The following LMO7 variants were observed in gnomAD, a reference collection of about 807,000 sequenced individuals.
LMO7 encodes LIM domain 7.
In LMO7, 120 loss-of-function variants were observed where a neutral mutation model predicts 206.5. The ratio of observed to expected loss-of-function variants is 0.58; its 90% CI spans 0.50 to 0.68. The LOEUF is 0.68. Among genes scored for constraint, LMO7 ranks in the 30% least tolerant of loss-of-function variants. The probability of loss-of-function intolerance (pLI) is 0.00; values close to 1 mark genes in which losing one functional copy is unlikely to be tolerated. For missense variants in LMO7, 1,959 were observed against 1,957.9 expected (o/e 1.00, Z -0.01); for synonymous variants, 706 against 681.5 (o/e 1.04, Z -0.56).
chr13:75,723,953 C>T (rs1193311687), intron 2 of LMO7, among the ~76,000 whole-genome samples: 2 of 152,100 alleles, frequency 1.3e-5, no homozygotes, highest in African/African-American at 2.4e-5. Flanking sequence ...CCTTCATAGA[C>T]AGACTTCTCA....
chr13:75,808,253 T>G (rs2055812514), intron 10 of LMO7, 54 bp downstream of exon 10: 1 of 1,508,824 alleles, frequency 6.6e-7, no homozygotes, highest in Non-Finnish European at 8.9e-7. Context: ...CTTGTGTAAC[T>G]TTTCTCATGC....
intron 1 of LMO7, among the ~76,000 whole-genome samples, chr13:75,680,351 G>C (rs1304526817): frequency 6.6e-6 from 1 of 152,178 alleles, no homozygotes; most frequent in Non-Finnish European, 1.5e-5. Flanking sequence ...CAGTGCTGCA[G>C]TGAACATATG....
chr13:75,814,456 G>A (rs945086300), intron 11 of LMO7, among the ~76,000 whole-genome samples: 2 of 152,150 alleles, frequency 1.3e-5, no homozygotes, highest in African/African-American at 4.8e-5. Context: ...AAAAGGTATA[G>A]CTGAAGCAGT....
At chr13:75,784,019 A>C (rs1032025660) in intron 4 of LMO7, among the ~76,000 whole-genome samples, 1 of 151,986 alleles carries the variant, frequency 6.6e-6, no homozygotes, top group Non-Finnish European at 1.5e-5. Flanking sequence ...CAACCATGGG[A>C]AATTTTGTAC....
At chr13:75,731,580 T>C (rs914347565) in intron 3 of LMO7, among the ~76,000 whole-genome samples, 1 of 152,142 alleles carries the variant, frequency 6.6e-6, no homozygotes, top group African/African-American at 2.4e-5. Context: ...TGACTCTTTA[T>C]CCAATTTGCC....
At chr13:75,662,126 T>A (rs1201128813) in intron 1 of LMO7, among the ~76,000 whole-genome samples, 1 of 152,178 alleles carries the variant, frequency 6.6e-6, no homozygotes, top group African/African-American at 2.4e-5. Context: ...TTTCTGACAA[T>A]AGAGCTTCTA....
At chr13:75,842,824 A>T (rs1318553) in intron 24 of LMO7, 27 bp from the exon 25 acceptor site, 3 of 1,440,428 alleles carry the variant, frequency 2.1e-6, no homozygotes, top group Non-Finnish European at 2.9e-6. Context: ...TAATATTTTG[A>T]CAACAAAATC....
chr13:75,731,688 A>C (rs1332206259), intron 3 of LMO7, among the ~76,000 whole-genome samples: 1 of 150,246 alleles, frequency 6.7e-6, no homozygotes, highest in African/African-American at 2.5e-5. Flanking sequence ...TTAGCTGGTT[A>C]TTTTGCTCGT....
intron 1 of LMO7, among the ~76,000 whole-genome samples, chr13:75,696,353 TCAAAAAAACAAACAAA>T (rs1017044171): frequency 1.3e-4 from 18 of 143,512 alleles, no homozygotes; most frequent in African/African-American, 4.8e-4. Context: ...AGACTCCATC[TCAAAAAAACAAACAAA>T]CAAACAAACA....
chr13:75,829,520 A>G (rs985056533), intron 15 of LMO7, among the ~76,000 whole-genome samples: 2 of 152,182 alleles, frequency 1.3e-5, no homozygotes, highest in Admixed American at 1.3e-4. Context: ...GAAAGACACT[A>G]AAGAACTATA....
At chr13:75,652,137 G>T (rs534686903) in intron 1 of LMO7, among the ~76,000 whole-genome samples, 58 of 149,520 alleles carry the variant, frequency 3.9e-4, no homozygotes, top group African/African-American at 1.4e-3. Flanking sequence ...TAATATTATA[G>T]TTTTTTTTTT....
At chr13:75,846,030 C>T (rs779792557) in intron 26 of LMO7, among the ~76,000 whole-genome samples, 22 of 152,040 alleles carry the variant, frequency 1.4e-4, no homozygotes, top group Non-Finnish European at 3.1e-4. Context: ...TAGCCACTGC[C>T]CAGCTCCAGC....
intron 12 of LMO7, among the ~76,000 whole-genome samples, chr13:75,818,264 T>A (rs9593130): frequency 0.26 from 39,602 of 152,142 alleles, 5,947 homozygotes; most frequent in Non-Finnish European, 0.34. Context: ...GCTATAGGAC[T>A]AAATGCGCAT....
intron 1 of LMO7, among the ~76,000 whole-genome samples, chr13:75,683,067 T>C (rs1000151493): frequency 6.6e-6 from 1 of 150,650 alleles, no homozygotes; most frequent in South Asian, 2.1e-4. Context: ...TTTTTTTCTT[T>C]TTTTTTTTTT....
intron 27 of LMO7, among the ~76,000 whole-genome samples, chr13:75,850,154 A>G (rs1479827789): frequency 6.6e-6 from 1 of 152,204 alleles, no homozygotes; most frequent in East Asian, 1.9e-4. Flanking sequence ...ATGAACAGAT[A>G]GTTCGTAGGA....
chr13:75,711,449 A>G (rs1002309148), intron 1 of LMO7, among the ~76,000 whole-genome samples: 2 of 152,110 alleles, frequency 1.3e-5, no homozygotes, highest in Non-Finnish European at 2.9e-5. Flanking sequence ...TTGGTTGGTA[A>G]GCTATTAATT....
chr13:75,854,358 G>A (rs2060747790), intron 28 of LMO7, among the ~76,000 whole-genome samples: 1 of 152,140 alleles, frequency 6.6e-6, no homozygotes, highest in Admixed American at 6.5e-5. Flanking sequence ...AGTTTGAATT[G>A]AGAGAACAGA....
At chr13:75,636,288 A>C (rs963780370), upstream of LMO7, 48 of 1,063,476 alleles carry the variant, frequency 4.5e-5, 1 homozygote, top group South Asian at 1.4e-4. Flanking sequence ...GGGCGGGGCC[A>C]CCGCGGGGAG....
At chr13:75,810,286 C>A (rs2056187253) in intron 11 of LMO7, among the ~76,000 whole-genome samples, 2 of 152,190 alleles carry the variant, frequency 1.3e-5, no homozygotes, top group African/African-American at 4.8e-5. Flanking sequence ...GCTCAAGCCT[C>A]AGTAGCTAAG....
Sources: gnomAD v4.1 joint callset for allele counts (sites outside exome capture counted in the v4.1 genomes callset) on GRCh38, gnomAD v4.1.1 for gene constraint, MANE v1.5 for transcripts, NCBI Gene and HGNC (gene_info 2026-07-23, HGNC 2026-07-21) for gene names.